SLC10A7: variants seen among roughly 807,000 people sequenced by gnomAD.
SLC10A7 encodes the protein solute carrier family 10 member 7.
In SLC10A7, 29 loss-of-function variants were observed where a neutral mutation model predicts 43.2. The observed-to-expected ratio is 0.67, with a 90% CI of 0.50 to 0.92. The LOEUF (loss-of-function observed/expected upper bound fraction) is 0.92. Among genes scored for constraint, SLC10A7 ranks in the 40% least tolerant of loss-of-function variants. The pLI, the probability that SLC10A7 is intolerant of heterozygous loss-of-function variation, is 0.00. For missense variants in SLC10A7, 295 were observed against 403.2 expected, an observed-to-expected ratio of 0.73 and a Z score of 2.30; for synonymous variants, 152 against 144.8, an observed-to-expected ratio of 1.05 and a Z score of -0.35.
chr4:146,442,439 A>G, intron 5 of SLC10A7: 1 of 1,026,724 alleles, frequency 9.7e-7, no homozygotes, highest in Non-Finnish European at 1.2e-6. Flanking sequence ...TTTCCTTTTC[A>G]AAATCCTCAG....
intron 9 of SLC10A7, among the ~76,000 whole-genome samples, chr4:146,284,391 G>C (rs1729750222): frequency 6.6e-6 from 1 of 152,064 alleles, no homozygotes; most frequent in Non-Finnish European, 1.5e-5. Flanking sequence ...TCCCTAAATA[G>C]ATCCCACATC....
At chr4:146,444,440 G>C (rs1281887358) in intron 4 of SLC10A7, among the ~76,000 whole-genome samples, 1 of 152,084 alleles carries the variant, frequency 6.6e-6, no homozygotes, top group Non-Finnish European at 1.5e-5. Context: ...GAGGAAAAGA[G>C]ACTCAGAAGT....
intron 4 of SLC10A7, among the ~76,000 whole-genome samples, chr4:146,462,227 T>G (rs189280736): frequency 2.6e-5 from 4 of 152,194 alleles, no homozygotes; most frequent in Admixed American, 2.6e-4. Context: ...GTTACTCAAA[T>G]ATTTATATGG....
intron 5 of SLC10A7, among the ~76,000 whole-genome samples, chr4:146,421,334 G>T (rs1171730313): frequency 6.6e-6 from 1 of 151,874 alleles, no homozygotes; most frequent in Non-Finnish European, 1.5e-5. Flanking sequence ...TGTGTTTGTG[G>T]TCCTTTATTT....
At chr4:146,520,257 T>C (rs1738499541) in intron 1 of SLC10A7, among the ~76,000 whole-genome samples, 1 of 81,830 alleles carries the variant, frequency 1.2e-5, no homozygotes. Context: ...TACTATTCAT[T>C]TAGCTCCGGG....
intron 9 of SLC10A7, among the ~76,000 whole-genome samples, chr4:146,287,104 G>A (rs147933549): frequency 2.9e-3 from 439 of 150,688 alleles, no homozygotes; most frequent in Admixed American, 5.1e-3. Flanking sequence ...GAGAAGGACC[G>A]AGTCTGGAGT....
At chr4:146,407,782 T>C (rs1727839747) in intron 5 of SLC10A7, among the ~76,000 whole-genome samples, 1 of 152,138 alleles carries the variant, frequency 6.6e-6, no homozygotes, top group African/African-American at 2.4e-5. Context: ...TTAGTCTAGT[T>C]AGTCTAAACC....
chr4:146,386,183 A>G (rs1006288983), intron 5 of SLC10A7, among the ~76,000 whole-genome samples: 3 of 152,186 alleles, frequency 2.0e-5, no homozygotes, highest in Admixed American at 2.0e-4. Flanking sequence ...GCTAAACTGA[A>G]TTAGATTCTT....
chr4:146,285,334 CAG>C (rs35510715), intron 9 of SLC10A7, among the ~76,000 whole-genome samples: 17,704 of 152,096 alleles, frequency 0.12, 1,042 homozygotes, highest in South Asian at 0.12. Flanking sequence ...AGAGTGAAAA[CAG>C]GAGATGGTGG....
chr4:146,495,395 A>G (rs901270704), intron 4 of SLC10A7, among the ~76,000 whole-genome samples: 5 of 152,186 alleles, frequency 3.3e-5, no homozygotes, highest in African/African-American at 1.2e-4. Context: ...GCCTTTATAA[A>G]TGTTTCAATG....
chr4:146,344,245 C>T (rs1734461330), intron 5 of SLC10A7, among the ~76,000 whole-genome samples: 1 of 152,044 alleles, frequency 6.6e-6, no homozygotes. Flanking sequence ...CTATGCCTTA[C>T]ACCAGTAACC....
At chr4:146,300,784 T>G (rs1187864277) in intron 7 of SLC10A7, among the ~76,000 whole-genome samples, 3 of 152,234 alleles carry the variant, frequency 2.0e-5, no homozygotes, top group African/African-American at 7.2e-5. Context: ...ATATACTTTT[T>G]TTTCAGATAT....
At chr4:146,521,394 G>A (rs1464790334) in intron 1 of SLC10A7, among the ~76,000 whole-genome samples, 1 of 152,166 alleles carries the variant, frequency 6.6e-6, no homozygotes, top group African/African-American at 2.4e-5. Context: ...GTCATTGTTT[G>A]TCTACGGAAA....
intron 7 of SLC10A7, 35 bp from the exon 8 acceptor site, chr4:146,294,130 A>T: frequency 6.7e-7 from 1 of 1,503,510 alleles, no homozygotes; most frequent in South Asian, 1.4e-5. Context: ...GCCTCTTTTC[A>T]GAGATGGAGG....
At chr4:146,322,234 A>G (rs1423203000) in intron 6 of SLC10A7, among the ~76,000 whole-genome samples, 1 of 152,068 alleles carries the variant, frequency 6.6e-6, no homozygotes, top group African/African-American at 2.4e-5. Context: ...TTTAATTATT[A>G]TTATACTTTA....
At chr4:146,506,747 T>G (rs907998493) in intron 3 of SLC10A7, among the ~76,000 whole-genome samples, 2 of 152,176 alleles carry the variant, frequency 1.3e-5, no homozygotes, top group African/African-American at 2.4e-5. Flanking sequence ...TTTGTTTGTT[T>G]GTTTGGTTTT....
chr4:146,284,815 G>A (rs923967670), intron 9 of SLC10A7, among the ~76,000 whole-genome samples: 1 of 152,090 alleles, frequency 6.6e-6, no homozygotes, highest in African/African-American at 2.4e-5. Flanking sequence ...GGCCTAATGG[G>A]GAAGGAGTTC....
chr4:146,416,802 T>A (rs1305094439), intron 5 of SLC10A7, among the ~76,000 whole-genome samples: 1 of 152,160 alleles, frequency 6.6e-6, no homozygotes, highest in Non-Finnish European at 1.5e-5. Context: ...TCTGAATTCA[T>A]CTTCATTGCC....
At chr4:146,357,646 G>C (rs1052963471) in intron 5 of SLC10A7, among the ~76,000 whole-genome samples, 4 of 152,196 alleles carry the variant, frequency 2.6e-5, no homozygotes, top group African/African-American at 9.7e-5. Context: ...TATTTGATGA[G>C]AGCTATCATT....
Sources: gnomAD v4.1 joint callset for allele counts (sites outside exome capture counted in the v4.1 genomes callset) on GRCh38, gnomAD v4.1.1 for gene constraint, MANE v1.5 for transcripts, NCBI Gene and HGNC (gene_info 2026-07-23, HGNC 2026-07-21) for gene names.